GPC5: variants seen among roughly 807,000 people sequenced by gnomAD.
The protein encoded by GPC5 is glypican 5.
In GPC5, 47 loss-of-function variants were observed where a neutral mutation model predicts 53.9. That is an observed-to-expected ratio of 0.87 (90% CI 0.69 to 1.11). The LOEUF (loss-of-function observed/expected upper bound fraction) is 1.11. GPC5 is among the 50% of genes most tolerant of loss of function. The pLI is 0.00. For missense variants in GPC5, 748 were observed against 713.1 expected (o/e 1.05, Z -0.56); for synonymous variants, 286 against 263.3 (o/e 1.09, Z -0.84).
intron 7 of GPC5, among the ~76,000 whole-genome samples, chr13:92,602,168 A>G (rs1884079570): frequency 6.9e-6 from 1 of 144,456 alleles, no homozygotes; most frequent in Non-Finnish European, 1.5e-5. Flanking sequence ...CTATATACAA[A>G]TACACACTAT....
intron 6 of GPC5, among the ~76,000 whole-genome samples, chr13:91,981,584 C>T (rs970537023): frequency 6.6e-6 from 1 of 152,118 alleles, no homozygotes; most frequent in African/African-American, 2.4e-5. Context: ...CCACCGCGCC[C>T]GACCGTAAGA....
chr13:91,426,451 A>G (rs1879055852), intron 1 of GPC5, among the ~76,000 whole-genome samples: 1 of 152,200 alleles, frequency 6.6e-6, no homozygotes, highest in African/African-American at 2.4e-5. Flanking sequence ...ATTGACTCAC[A>G]CAATCACAAG....
intron 7 of GPC5, among the ~76,000 whole-genome samples, chr13:92,518,556 G>A (rs990359030): frequency 1.3e-5 from 2 of 152,036 alleles, no homozygotes; most frequent in African/African-American, 2.4e-5. Flanking sequence ...GAAATAAAAT[G>A]CTTTACAGAC....
chr13:92,653,306 C>T (rs552017582), intron 7 of GPC5, among the ~76,000 whole-genome samples: 1 of 152,102 alleles, frequency 6.6e-6, no homozygotes, highest in Admixed American at 6.5e-5. Context: ...GGGATGCATT[C>T]GTTTCTAGCA....
intron 7 of GPC5, among the ~76,000 whole-genome samples, chr13:92,527,189 G>A (rs1881351928): frequency 5.5e-5 from 1 of 18,208 alleles, no homozygotes; most frequent in African/African-American, 3.4e-4. Flanking sequence ...AAAGAAGAAA[G>A]AAAGAAAGAA....
At chr13:92,813,058 C>T (rs1031363246) in intron 7 of GPC5, among the ~76,000 whole-genome samples, 2 of 151,766 alleles carry the variant, frequency 1.3e-5, no homozygotes, top group African/African-American at 2.4e-5. Context: ...ATTTTAAATA[C>T]CGGCCTTTCG....
rs535064819 is a variant in GPC5, at chr13:91,897,377, G to T, written c.1281-10560G>T. On this transcript the variant is annotated intron_variant, in intron 5 of 7. Coordinates refer to ENST00000377067, the MANE Select transcript of GPC5 (RefSeq NM_004466.6). Reference sequence around the variant, plus strand: ...TGTGTGTGTGTGTGTGTGCGCCTGTGCATGTGTATGCATTTCTTTTTAAAA... The same window carrying T: ...TGTGTGTGTGTGTGTGTGCGCCTGTTCATGTGTATGCATTTCTTTTTAAAA... Among the ~76,000 whole-genome samples the T allele has an allele frequency of 1.2e-3, 187 of 151,488 alleles. 1 individual carries two copies. The highest frequency in any genetic ancestry group is 3.6e-3 in the African/African-American group (148 of 41,186).
At position 92,358,786 on chromosome 13, in the gene GPC5, T is replaced by C. The variant is rs180959418; in HGVS notation, c.1561+213797T>C. 4.8e-3 allele frequency among the ~76,000 whole-genome samples: 733 copies of C among 151,862 alleles called. 26 individuals carry two copies. The highest frequency in any genetic ancestry group is 0.017 in the African/African-American group (689 of 41,148). ...AGCTGGAACACAGGAAGCAATGTCT[T>C]GAGGTTGTTTAGGGCAGCGGGGCCC... On this transcript the variant is annotated intron_variant, in intron 7 of 7. Coordinates refer to ENST00000377067, the MANE Select transcript of GPC5 (RefSeq NM_004466.6).
At chr13:91,963,915 T>G (rs2040151778) in intron 6 of GPC5, among the ~76,000 whole-genome samples, 1 of 152,150 alleles carries the variant, frequency 6.6e-6, no homozygotes, top group African/African-American at 2.4e-5. Flanking sequence ...ACACTGTTGG[T>G]GGGACTGTAA....
chr13:92,049,874 A>G (rs1409238757), intron 6 of GPC5, among the ~76,000 whole-genome samples: 3 of 152,126 alleles, frequency 2.0e-5, no homozygotes, highest in African/African-American at 7.2e-5. Context: ...TTTAGCCACA[A>G]AATAGTATGT....
chr13:91,845,058 T>C (rs751575263), intron 5 of GPC5, among the ~76,000 whole-genome samples: 5 of 152,196 alleles, frequency 3.3e-5, no homozygotes, highest in African/African-American at 4.8e-5. Flanking sequence ...TATGGAATTG[T>C]CATTTTAGGG....
intron 7 of GPC5, among the ~76,000 whole-genome samples, chr13:92,659,833 A>C (rs1264416430): frequency 6.6e-6 from 1 of 152,170 alleles, no homozygotes; most frequent in Non-Finnish European, 1.5e-5. Flanking sequence ...CTGGGATATG[A>C]GAGTGAAAAG....
At chr13:92,615,551 T>C (rs536331118) in intron 7 of GPC5, among the ~76,000 whole-genome samples, 8 of 152,284 alleles carry the variant, frequency 5.3e-5, no homozygotes, top group Admixed American at 3.3e-4. Context: ...TAAGAAGTTA[T>C]ATAGCCTTCC....
chr13:92,772,630 T>C (rs1875653714), intron 7 of GPC5, among the ~76,000 whole-genome samples: 2 of 152,202 alleles, frequency 1.3e-5, no homozygotes, highest in Admixed American at 1.3e-4. Flanking sequence ...CTACCTGTCA[T>C]AGAGTAGTTT....
intron 7 of GPC5, among the ~76,000 whole-genome samples, chr13:92,377,665 A>G (rs995326222): frequency 1.3e-5 from 2 of 152,202 alleles, no homozygotes; most frequent in Admixed American, 6.5e-5. Flanking sequence ...ACAGCCATAT[A>G]TCACATATTA....
At chr13:92,333,668 C>T (rs773539080) in intron 7 of GPC5, among the ~76,000 whole-genome samples, 24 of 152,022 alleles carry the variant, frequency 1.6e-4, no homozygotes, top group East Asian at 1.9e-4. Flanking sequence ...ATTGAAGACC[C>T]GTTTACAGCA....
intron 2 of GPC5, among the ~76,000 whole-genome samples, chr13:91,502,073 C>A (rs191012120): frequency 6.6e-6 from 1 of 152,138 alleles, no homozygotes; most frequent in South Asian, 2.1e-4. Flanking sequence ...TTATCCTTTG[C>A]CCACTTTTTG....
intron 7 of GPC5, among the ~76,000 whole-genome samples, chr13:92,477,561 T>A (rs1423873051): frequency 6.6e-6 from 1 of 152,212 alleles, no homozygotes; most frequent in Non-Finnish European, 1.5e-5. Flanking sequence ...CTAAAATTGA[T>A]AACATAAAAC....
chr13:92,041,043 G>A (rs2040937964), intron 6 of GPC5, among the ~76,000 whole-genome samples: 1 of 151,576 alleles, frequency 6.6e-6, no homozygotes, highest in African/African-American at 2.4e-5. Flanking sequence ...GGAGAGACAG[G>A]GTTTCACCAT....
Sources: allele counts gnomAD v4.1 joint callset (sites outside exome capture counted in the v4.1 genomes callset), GRCh38; gene constraint gnomAD v4.1.1; transcripts MANE v1.5; gene names NCBI Gene and HGNC (gene_info 2026-07-23, HGNC 2026-07-21).